Variants in POLD3 observed in about 807,000 individuals in gnomAD.
POLD3 encodes DNA polymerase delta subunit 3.
POLD3 carries 19 observed loss-of-function variants against 58.2 expected under a neutral mutation model. The ratio of observed to expected loss-of-function variants is 0.33; its 90% CI spans 0.23 to 0.48. The LOEUF (loss-of-function observed/expected upper bound fraction) is 0.48. Among genes scored for constraint, POLD3 ranks in the 20% least tolerant of loss-of-function variants. The probability of loss-of-function intolerance (pLI) is 0.99; values close to 1 mark genes in which losing one functional copy is unlikely to be tolerated. For synonymous variants in POLD3, 172 were observed against 193.5 expected (o/e 0.89, Z 0.92); for missense variants, 504 against 545.5 (o/e 0.92, Z 0.76).
At chr11:74,592,955 T>C in intron 1 of POLD3, 2 of 1,379,306 alleles carry the variant, frequency 1.5e-6, no homozygotes, top group Non-Finnish European at 1.9e-6. Context: ...GAACAGAGCC[T>C]GGGGCTGGAG....
intron 11 of POLD3, 66 bp from the exon 12 acceptor site, chr11:74,640,497 AT>A (rs1166881129): frequency 1.2e-5 from 17 of 1,451,820 alleles, no homozygotes; most frequent in Non-Finnish European, 1.5e-5. Flanking sequence ...TTAGCAAGAC[AT>A]CCCATTTTCT....
chr11:74,615,531 G>A (rs1591301767), intron 5 of POLD3, among the ~76,000 whole-genome samples: 1 of 152,190 alleles, frequency 6.6e-6, no homozygotes, highest in East Asian at 1.9e-4. Flanking sequence ...TGGGGACAGA[G>A]GAAGTGAGAC....
chr11:74,654,087 TC>T (rs1290497972), intron 4 of POLD3, among the ~76,000 whole-genome samples: 6 of 151,802 alleles, frequency 4.0e-5, no homozygotes, highest in Non-Finnish European at 5.9e-5. Context: ...CCATGAGTGA[TC>T]CCCCCAGATG....
intron 4 of POLD3, among the ~76,000 whole-genome samples, chr11:74,655,027 A>G (rs985084521): frequency 1.3e-5 from 2 of 152,236 alleles, no homozygotes; most frequent in African/African-American, 4.8e-5. Context: ...GTAGAACTTG[A>G]GGCCATGCAC....
intron 11 of POLD3, among the ~76,000 whole-genome samples, chr11:74,636,660 A>C (rs1485257638): frequency 3.3e-5 from 5 of 152,158 alleles, no homozygotes; most frequent in Admixed American, 2.6e-4. Context: ...ATAGACATTG[A>C]GAAGCTTTTT....
intron 2 of POLD3, among the ~76,000 whole-genome samples, chr11:74,598,548 T>C (rs2031361248): frequency 2.0e-5 from 3 of 152,216 alleles, no homozygotes; most frequent in South Asian, 2.1e-4. Context: ...GAATGGCTTA[T>C]GTCTGTTCCA....
intron 6 of POLD3, among the ~76,000 whole-genome samples, chr11:74,619,769 T>C (rs771183011): frequency 3.3e-5 from 5 of 152,224 alleles, no homozygotes; most frequent in Non-Finnish European, 7.3e-5. Context: ...AAAGTTTAGC[T>C]ATATCCATGG....
Position 74,668,801 on chromosome 11 carries a change from C to CA in POLD3, c.395dup (p.Leu133ThrfsTer20). On this transcript the variant is annotated frameshift_variant, in exon 5 of 5. Coordinates refer to the POLD3 transcript ENST00000524752. LOFTEE classifies it low-confidence loss of function (END_TRUNC). ...GTGGTGCTGGACATGCAGTCCCACT[C>CA]ACTAGACATTTTGGAGCATTACGTG... 1 of 1,287,910 alleles carries CA rather than the reference C, an allele frequency of 7.8e-7. No individual in the cohort carries two copies. Among genetic ancestry groups the CA allele is most frequent in the Non-Finnish European group, 1.0e-6 (1 of 987,722 alleles). The allele number at this position is 1,287,910 out of a possible 1,614,324, so 79.8% of individuals were successfully genotyped here.
At chr11:74,604,633 G>A (rs2031613782) in intron 2 of POLD3, 59 bp from the exon 3 acceptor site, 1 of 877,408 alleles carries the variant, frequency 1.1e-6, no homozygotes, top group Non-Finnish European at 1.9e-6. Context: ...TTAATTAAGA[G>A]TTGATCATGT....
intron 2 of POLD3, among the ~76,000 whole-genome samples, chr11:74,600,710 C>CTTTT (rs57206403): frequency 3.2e-5 from 2 of 63,040 alleles, no homozygotes; most frequent in African/African-American, 6.8e-5. Flanking sequence ...GAATTCTTTC[C>CTTTT]TTTTTTTTTT....
At chr11:74,666,610 C>T (rs570683040) in intron 4 of POLD3, among the ~76,000 whole-genome samples, 4 of 152,270 alleles carry the variant, frequency 2.6e-5, no homozygotes, top group South Asian at 2.1e-4. Flanking sequence ...TTCATGTGCT[C>T]ATGAATCAAA....
At chr11:74,602,792 G>A (rs908807781) in intron 2 of POLD3, among the ~76,000 whole-genome samples, 3 of 152,112 alleles carry the variant, frequency 2.0e-5, no homozygotes, top group South Asian at 2.1e-4. Flanking sequence ...CCCTACTACC[G>A]TCCTTATTCC....
intron 1 of POLD3, 194 bp downstream of exon 1, chr11:74,592,912 C>T (rs1371074389): frequency 3.5e-6 from 5 of 1,419,898 alleles, no homozygotes; most frequent in African/African-American, 2.9e-5. Flanking sequence ...CCAGCACACA[C>T]GGAAGTCCGC....
At chr11:74,632,506 C>T (rs1433782531) in intron 9 of POLD3, among the ~76,000 whole-genome samples, 7 of 152,052 alleles carry the variant, frequency 4.6e-5, no homozygotes, top group Non-Finnish European at 1.5e-5. Context: ...ACATGAATGG[C>T]GGCACGTTTA....
intron 8 of POLD3, chr11:74,628,784 ATTGCCTTATAGCCAGTGGTGT>A (rs1288845572): frequency 6.5e-6 from 1 of 152,798 alleles, no homozygotes; most frequent in Non-Finnish European, 1.5e-5. Context: ...AATCTACCAC[ATTGCCTTATAGCCAGTGGTGT>A]TTGCCAGAGC....
intron 2 of POLD3, chr11:74,595,277 A>C (rs906579632): frequency 1.3e-5 from 2 of 149,976 alleles, no homozygotes; most frequent in Admixed American, 6.8e-5. Flanking sequence ...ACAGGTGTAC[A>C]TCACCACACC....
rs142097447 is a variant in POLD3 at position 74,597,136 on chromosome 11, G to A, written c.116+3020G>A. 3.4e-3 allele frequency among the ~76,000 whole-genome samples: 513 copies of A among 152,312 alleles called. 3 individuals carry two copies. Among genetic ancestry groups the A allele is most frequent in the African/African-American group, 0.012 (483 of 41,564 alleles). ...CGTAGTGGGACTGCTGGATCATACA[G>A]TAGCTCTATTTTTGATATTTTGAGG... On this transcript the variant is annotated intron_variant, in intron 2 of 11. Coordinates refer to ENST00000263681, the MANE Select transcript of POLD3 (RefSeq NM_006591.3).
At chr11:74,620,170 T>C (rs1196906578) in intron 7 of POLD3, 81 bp downstream of exon 7, 7 of 1,107,088 alleles carry the variant, frequency 6.3e-6, no homozygotes, top group Non-Finnish European at 9.6e-6. Flanking sequence ...AAAGCCACTT[T>C]GTCTAGTTTT....
At position 74,601,738 on chromosome 11, in the gene POLD3, C is replaced by T. The variant is rs374417156; in HGVS notation, c.117-2954C>T. Among the ~76,000 whole-genome samples the T allele has an allele frequency of 3.9e-5, 6 of 151,970 alleles. 1 individual carries two copies. Among genetic ancestry groups the T allele is most frequent in the South Asian group, 4.1e-4 (2 of 4,822 alleles). ...AGGAATTCAAGGTTATAGAGAGCTG[C>T]GCCACTGCACTTCAGCCTGGGCGAC... On this transcript the variant is annotated intron_variant, in intron 2 of 11. Transcript: ENST00000263681.
Sources: allele counts gnomAD v4.1 joint callset (sites outside exome capture counted in the v4.1 genomes callset), GRCh38; gene constraint gnomAD v4.1.1; transcripts MANE v1.5; gene names NCBI Gene and HGNC (gene_info 2026-07-23, HGNC 2026-07-21).